JMJD7: variants seen among roughly 807,000 people sequenced by gnomAD.
JMJD7 encodes the protein jumonji domain containing 7.
JMJD7 carries 41 observed loss-of-function variants against 41.1 expected under a neutral mutation model. The observed-to-expected ratio is 1.00, with a 90% CI of 0.78 to 1.30. The LOEUF is 1.30. Among genes scored for constraint, JMJD7 ranks in the 50% most tolerant of loss-of-function variants. The pLI is 0.00. For synonymous variants in JMJD7, 202 were observed against 177.2 expected (o/e 1.14, Z -1.11); for missense variants, 480 against 420.7 (o/e 1.14, Z -1.23).
Position 41,836,198 on chromosome 15 carries a change from C to T in JMJD7, c.580C>T (p.His194Tyr). 1.9e-6 allele frequency: 3 copies of T among 1,612,872 alleles called. No individual in the cohort carries two copies. The highest frequency in any genetic ancestry group is 2.5e-6 in the Non-Finnish European group (3 of 1,179,398). Residue 194 changes from histidine (H) to tyrosine (Y), a missense_variant, in exon 5 of 8, where the codon CAT becomes TAT. By Grantham distance (83) the His-to-Tyr change is moderately conservative (BLOSUM62 2). Transcript: ENST00000397299. ...CTACTGCGTGGTCTCAGGAGAGAAG[C>T]ATTTCCTGTTCCATCCGCCCAGCGA... The part of the protein sequence containing the change: ...NLYCVVSGEK[H>Y]FLFHPPSDRP...
At chr15:41,831,699 A>G (rs1268452286) in intron 1 of JMJD7, among the ~76,000 whole-genome samples, 1 of 152,068 alleles carries the variant, frequency 6.6e-6, no homozygotes, top group Non-Finnish European at 1.5e-5. Flanking sequence ...ACTCGTTGGG[A>G]CACCCTGGCT....
In JMJD7 at chr15:41,833,393, CAT is replaced by C. The variant is rs55860712; in HGVS notation, c.65-1326_65-1325del. Reference sequence around the variant, plus strand: ...ATAAACAGTTTATGTAGGTGAAATACATATATATATATATATATATATTTTTT... The same window carrying C: ...ATAAACAGTTTATGTAGGTGAAATACATATATATATATATATATATTTTTT... On this transcript the variant is annotated intron_variant, in intron 1 of 7. Transcript: ENST00000397299. 7.5e-3 allele frequency among the ~76,000 whole-genome samples: 381 copies of C among 50,548 alleles called. 15 individuals are homozygous for C. The highest frequency in any genetic ancestry group is 0.014 in the African/African-American group (209 of 14,758). 33.2% of individuals were successfully genotyped at this position (50,548 alleles called of 152,430 possible). A position where few individuals can be genotyped will look rare whatever the true frequency, so the allele number is the denominator to read the frequency against.
In JMJD7 at chr15:41,828,097, C is replaced by A; in HGVS notation, c.-28C>A. On this transcript the variant is annotated 5_prime_UTR_variant, in exon 1 of 8. Transcript: ENST00000397299. ...CCTGCGGCGGGGCGTCGGGGAAAGG[C>A]GGGGTCTCGGCCGGCGCTGACGCAG... is the stretch of plus-strand genomic sequence containing the variant. 7.0e-7 allele frequency: 1 copy of A among 1,420,336 alleles called. No homozygotes were observed. The allele number at this position is 1,420,336 out of a possible 1,614,324, so 88.0% of individuals were successfully genotyped here. A position where few individuals can be genotyped will look rare whatever the true frequency, so the allele number is the denominator to read the frequency against.
intron 1 of JMJD7, among the ~76,000 whole-genome samples, chr15:41,834,419 C>G (rs1212554198): frequency 6.6e-6 from 1 of 152,196 alleles, no homozygotes; most frequent in Admixed American, 6.5e-5. Flanking sequence ...CTGGTAGATG[C>G]TAGGAGGCTG....
rs570933006 is a variant in JMJD7, at chr15:41,832,156, C to T, written c.65-2584C>T. On this transcript the variant is annotated intron_variant, in intron 1 of 7. Transcript: ENST00000397299. ...CCTGAAGCTGCCTGCCCCACCGCAG[C>T]CCACATGCCTAGCTGTGCGCAGTGG... Among the ~76,000 whole-genome samples the T allele has an allele frequency of 3.9e-5, 6 of 152,386 alleles. No homozygotes were observed. The South Asian group carries it at 1.2e-3, about 32-fold the overall frequency.
intron 6 of JMJD7, 44 bp from the exon 7 acceptor site, chr15:41,836,736 TG>T: frequency 3.2e-6 from 5 of 1,555,580 alleles, no homozygotes; most frequent in East Asian, 2.4e-5. Flanking sequence ...CCTGAAGTCC[TG>T]GGGGGTCTGG....
Position 41,835,136 on chromosome 15 carries a change from C to A in JMJD7, c.385C>A (p.Gln129Lys). Residue 129 changes from glutamine to lysine, a missense_variant, in exon 3 of 8, where the codon CAG becomes AAG. By Grantham distance (53) the Gln-to-Lys change is moderately conservative (BLOSUM62 1). Transcript: ENST00000397299. ...RAQHPGVLYV[Q>K]KQCSNLPSEL... ...CCAGCACCCTGGAGTCCTCTATGTG[C>A]AGAAGCAGTGCTCCAACCTGCCCAG... 1 of 1,609,560 alleles carries A rather than the reference C, an allele frequency of 6.2e-7. No individual in the cohort carries two copies. Among genetic ancestry groups the A allele is most frequent in the Non-Finnish European group, 8.5e-7 (1 of 1,180,000 alleles).
intron 3 of JMJD7, 118 bp from the exon 4 acceptor site, chr15:41,835,470 C>T (rs2140880666): frequency 1.4e-6 from 2 of 1,457,476 alleles, no homozygotes; most frequent in Non-Finnish European, 1.9e-6. Flanking sequence ...TGCCTCTTCT[C>T]CCTGACCCCT....
rs554013915 is a variant in JMJD7, at chr15:41,829,469, G to T, written c.64+1281G>T. ...TGAGACTACAGGCATGCGCCACCACGCCTGGCTAATTTTTTTGAATTTTAG... is the reference window on the plus strand; with the variant it reads ...TGAGACTACAGGCATGCGCCACCACTCCTGGCTAATTTTTTTGAATTTTAG... On this transcript the variant is annotated intron_variant, in intron 1 of 7. Coordinates refer to ENST00000397299, the MANE Select transcript of JMJD7 (RefSeq NM_001114632.2). Among the ~76,000 whole-genome samples, 4 of 152,280 alleles carry T rather than the reference G, an allele frequency of 2.6e-5. No homozygotes were observed. The South Asian group carries it at 8.3e-4, about 32-fold the overall frequency.
intron 6 of JMJD7, 22 bp from the exon 7 acceptor site, chr15:41,836,759 C>G: frequency 2.5e-6 from 4 of 1,588,094 alleles, no homozygotes; most frequent in Non-Finnish European, 3.4e-6. Context: ...GGGCTGCTCC[C>G]TGGCATCTGA....
At chr15:41,831,229 C>G (rs1026870316) in intron 1 of JMJD7, among the ~76,000 whole-genome samples, 1 of 152,146 alleles carries the variant, frequency 6.6e-6, no homozygotes, top group African/African-American at 2.4e-5. Flanking sequence ...CTGCTGAGAG[C>G]TGGAGAGATG....
At chr15:41,829,453 A>G (rs1313671079) in intron 1 of JMJD7, among the ~76,000 whole-genome samples, 3 of 152,232 alleles carry the variant, frequency 2.0e-5, no homozygotes, top group Non-Finnish European at 4.4e-5. Flanking sequence ...CTGAGACTAC[A>G]GGCATGCGCC....
chr15:41,836,649 G>T, intron 6 of JMJD7, 98 bp downstream of exon 6: 1 of 1,468,874 alleles, frequency 6.8e-7, no homozygotes, highest in South Asian at 1.4e-5. Context: ...ACCTTGCTCT[G>T]AAAAGTCTCT....
Position 41,836,835 on chromosome 15 carries a change from TAC to T in JMJD7, c.759_760del (p.Tyr253Ter), listed in dbSNP as rs1567166806. 1 of 1,612,980 alleles carries T rather than the reference TAC, an allele frequency of 6.2e-7. No individual in the cohort carries two copies. The highest frequency in any genetic ancestry group is 8.5e-7 in the Non-Finnish European group (1 of 1,179,676). ...LAPDLARYPS[Y>X]SQAQALRCTV... is the part of the protein sequence containing the mutation. The stretch of plus-strand genomic sequence containing the variant: ...GCCAGACCTAGCACGGTACCCTAGT[TAC>T]AGTCAGGCCCAGGCCCTTCGCTGCA... On this transcript the variant is annotated frameshift_variant, in exon 7 of 8. Coordinates refer to ENST00000397299, the MANE Select transcript of JMJD7 (RefSeq NM_001114632.2). LOFTEE classifies it high-confidence loss of function.
At position 41,833,406 on chromosome 15, in the gene JMJD7, A is replaced by T. The variant is rs1217489765; in HGVS notation, c.65-1334A>T. Among the ~76,000 whole-genome samples the T allele has an allele frequency of 6.1e-4, 25 of 40,824 alleles. No homozygotes were observed. The South Asian group carries it at 9.2e-3, about 15-fold the overall frequency. The allele number at this position is 40,824 out of a possible 152,430, so 26.8% of individuals were successfully genotyped here. ...GTAGGTGAAATACATATATATATAT[A>T]TATATATATTTTTTTTTTTTTTTTT... On this transcript the variant is annotated intron_variant, in intron 1 of 7. Coordinates refer to ENST00000397299, the MANE Select transcript of JMJD7 (RefSeq NM_001114632.2).
At chr15:41,835,294 C>A in intron 3 of JMJD7, 71 bp downstream of exon 3, 1 of 1,529,322 alleles carries the variant, frequency 6.5e-7, no homozygotes, top group South Asian at 1.2e-5. Context: ...AGCCTGTTTG[C>A]CCTTAGGTGA....
intron 1 of JMJD7, among the ~76,000 whole-genome samples, chr15:41,834,042 C>A (rs1322854975): frequency 1.3e-5 from 2 of 152,112 alleles, no homozygotes; most frequent in Admixed American, 6.5e-5. Context: ...CCACTGTAGA[C>A]CCCTGCGCAG....
Position 41,834,789 on chromosome 15 carries a change from G to C in JMJD7, c.114G>C (p.Pro38=). 1 of 1,614,128 alleles carries C rather than the reference G, an allele frequency of 6.2e-7. No individual in the cohort carries two copies. The highest frequency in any genetic ancestry group is 8.5e-7 in the Non-Finnish European group (1 of 1,180,030). ...AVPYLDKPPT[P]LHFYRDWVCP... ...CCTACCTGGACAAACCCCCAACTCC[G>C]CTCCACTTCTACCGGGACTGGGTCT... The change falls in exon 2 of 8, where the codon CCG becomes CCC. Residue 38 remains proline, a synonymous_variant. Coordinates refer to ENST00000397299, the MANE Select transcript of JMJD7 (RefSeq NM_001114632.2).
chr15:41,828,442 C>T (rs184622952), intron 1 of JMJD7: 34 of 395,768 alleles, frequency 8.6e-5, no homozygotes, highest in Admixed American at 3.2e-4. Context: ...GTGTTTCCTA[C>T]AGTCTTGAGC....
Sources: allele counts gnomAD v4.1 joint callset (sites outside exome capture counted in the v4.1 genomes callset), GRCh38; gene constraint gnomAD v4.1.1; transcripts MANE v1.5; gene names NCBI Gene and HGNC (gene_info 2026-07-23, HGNC 2026-07-21).